Variants in GPM6A observed in about 807,000 individuals in gnomAD.
GPM6A encodes neuronal membrane glycoprotein M6-a.
A neutral mutation model predicts 32.1 loss-of-function variants in GPM6A; 7 were observed. The ratio of observed to expected loss-of-function variants is 0.22; its 90% CI spans 0.12 to 0.41. The LOEUF (loss-of-function observed/expected upper bound fraction) is 0.41. Ranked by LOEUF, GPM6A falls within the 10% of genes least tolerant of loss-of-function variation. The probability of loss-of-function intolerance (pLI) is 1.00; values close to 1 mark genes in which losing one functional copy is unlikely to be tolerated. For missense variants in GPM6A, 235 were observed against 347.2 expected (o/e 0.68, Z 2.57); for synonymous variants, 130 against 123.4 (o/e 1.05, Z -0.35).
At chr4:175,817,875 C>G (rs897920166) in intron 1 of GPM6A, among the ~76,000 whole-genome samples, 1 of 152,236 alleles carries the variant, frequency 6.6e-6, no homozygotes, top group African/African-American at 2.4e-5. Flanking sequence ...TGCTCCTTAG[C>G]TTTTTTAGAG....
intron 1 of GPM6A, among the ~76,000 whole-genome samples, chr4:175,983,131 G>C (rs1357524171): frequency 6.6e-6 from 1 of 152,082 alleles, no homozygotes. Context: ...GGGGAGGGGA[G>C]AATTTAAAGG....
chr4:175,808,388 A>G (rs921068705), intron 1 of GPM6A, among the ~76,000 whole-genome samples: 5 of 152,226 alleles, frequency 3.3e-5, no homozygotes, highest in Non-Finnish European at 5.9e-5. Context: ...AAATAATGAG[A>G]TAGATCAACA....
chr4:175,875,997 G>A (rs2111447673), intron 1 of GPM6A, among the ~76,000 whole-genome samples: 1 of 152,276 alleles, frequency 6.6e-6, no homozygotes. Context: ...AAAAGTAAAA[G>A]CAAGCACTGG....
At chr4:175,773,157 A>G (rs772045535) in intron 1 of GPM6A, among the ~76,000 whole-genome samples, 9 of 152,254 alleles carry the variant, frequency 5.9e-5, no homozygotes, top group African/African-American at 1.2e-4. Context: ...GACAGGCTGC[A>G]GTGCATATTA....
chr4:175,788,959 T>C (rs190359334), intron 1 of GPM6A, among the ~76,000 whole-genome samples: 20 of 152,296 alleles, frequency 1.3e-4, no homozygotes, highest in Admixed American at 1.2e-3. Context: ...ACTGCTGGTT[T>C]CATTTACACT....
At chr4:175,852,364 G>C (rs571876028) in intron 1 of GPM6A, among the ~76,000 whole-genome samples, 1 of 151,966 alleles carries the variant, frequency 6.6e-6, no homozygotes, top group Non-Finnish European at 1.5e-5. Context: ...GGATACTTAC[G>C]GAGATAAATG....
intron 1 of GPM6A, among the ~76,000 whole-genome samples, chr4:175,874,026 C>G (rs1737001090): frequency 6.6e-6 from 1 of 152,046 alleles, no homozygotes; most frequent in South Asian, 2.1e-4. Flanking sequence ...CAGAAAATTG[C>G]AATCCATAGA....
chr4:175,868,074 C>T (rs543534189), intron 1 of GPM6A, among the ~76,000 whole-genome samples: 13 of 152,274 alleles, frequency 8.5e-5, no homozygotes, highest in African/African-American at 2.4e-4. Flanking sequence ...CGGTTTCTCT[C>T]GAGCTTTTGG....
intron 1 of GPM6A, among the ~76,000 whole-genome samples, chr4:175,983,625 G>A (rs1299173909): frequency 1.3e-5 from 2 of 151,966 alleles, no homozygotes; most frequent in Non-Finnish European, 2.9e-5. Flanking sequence ...CCATTTCCTT[G>A]CTTTCTTAGA....
intron 2 of GPM6A, among the ~76,000 whole-genome samples, chr4:175,700,357 T>C (rs1744809868): frequency 6.6e-6 from 1 of 152,214 alleles, no homozygotes; most frequent in African/African-American, 2.4e-5. Context: ...CAATATGATA[T>C]ATTCCTGATA....
At chr4:175,885,728 G>A (rs1737430304) in intron 1 of GPM6A, among the ~76,000 whole-genome samples, 1 of 152,192 alleles carries the variant, frequency 6.6e-6, no homozygotes, top group African/African-American at 2.4e-5. Context: ...GCATCACCAT[G>A]TTCATTGTAG....
chr4:175,985,619 T>C (rs1438065555), intron 1 of GPM6A, among the ~76,000 whole-genome samples: 3 of 152,154 alleles, frequency 2.0e-5, no homozygotes, highest in Non-Finnish European at 2.9e-5. Context: ...CAAGAGTGAG[T>C]GTCCTTTTCC....
intron 1 of GPM6A, chr4:175,811,973 C>T (rs1441825013): frequency 1.7e-5 from 8 of 468,980 alleles, no homozygotes; most frequent in Middle Eastern, 5.5e-4. Flanking sequence ...CACTAATACT[C>T]GACTCTGCAT....
rs936823096 is a variant in GPM6A at position 175,924,858 on chromosome 4, A to G, written c.-23+77451T>C. On this transcript the variant is annotated intron_variant, in intron 1 of 7. Transcript: ENST00000280187. ...CTGTCTCAAAAAAAAAAAAAAAAAA[A>G]AGAGAGAAGTCTGAAATACTTGTGC... Among the ~76,000 whole-genome samples, 28 of 151,696 alleles carry G rather than the reference A, an allele frequency of 1.8e-4. No individual in the cohort carries two copies. The East Asian group carries it at 2.3e-3, about 13-fold the overall frequency.
At chr4:175,894,607 T>C (rs1040166864) in intron 1 of GPM6A, among the ~76,000 whole-genome samples, 3 of 152,168 alleles carry the variant, frequency 2.0e-5, no homozygotes, top group Non-Finnish European at 4.4e-5. Context: ...CTACCTTTCA[T>C]CATTCCTAAT....
rs547043219 is a variant in GPM6A, at chr4:175,860,006, G to A, written c.-22-47757C>T. Among the ~76,000 whole-genome samples, 8 of 152,088 alleles carry A rather than the reference G, an allele frequency of 5.3e-5. No individual in the cohort carries two copies. The East Asian group carries it at 1.5e-3, about 29-fold the overall frequency. ...AAACTATTTTGACATAAATAAAAGTGAATATACAACTTATTGAAATTTATG... is the reference window on the plus strand; with the variant it reads ...AAACTATTTTGACATAAATAAAAGTAAATATACAACTTATTGAAATTTATG... On this transcript the variant is annotated intron_variant, in intron 1 of 7. Coordinates refer to the GPM6A transcript ENST00000280187.
At chr4:175,869,626 G>A (rs1736842860) in intron 1 of GPM6A, among the ~76,000 whole-genome samples, 1 of 152,020 alleles carries the variant, frequency 6.6e-6, no homozygotes, top group Non-Finnish European at 1.5e-5. Flanking sequence ...GCATGGTGGT[G>A]CGCACCTGTA....
At chr4:175,802,267 C>T (rs1734501555) in intron 1 of GPM6A, among the ~76,000 whole-genome samples, 1 of 151,992 alleles carries the variant, frequency 6.6e-6, no homozygotes, top group South Asian at 2.1e-4. Context: ...TTCTCAATTC[C>T]ACCAAATAAT....
At chr4:175,708,569 T>C (rs1745344298) in intron 1 of GPM6A, among the ~76,000 whole-genome samples, 1 of 151,798 alleles carries the variant, frequency 6.6e-6, no homozygotes, top group Non-Finnish European at 1.5e-5. Context: ...GTACTTTTAG[T>C]AGAGATGGGG....
Sources: gnomAD v4.1 joint callset for allele counts (sites outside exome capture counted in the v4.1 genomes callset) on GRCh38, gnomAD v4.1.1 for gene constraint, MANE v1.5 for transcripts, NCBI Gene and HGNC (gene_info 2026-07-23, HGNC 2026-07-21) for gene names.